IRAG1: variants seen among roughly 807,000 people sequenced by gnomAD.
IRAG1 encodes the protein IP3R-associated cGMP kinase substrate.
Under a neutral mutation model 106.2 loss-of-function variants are expected in IRAG1, and 62 were observed. The ratio of observed to expected loss-of-function variants is 0.58; its 90% CI spans 0.48 to 0.72. The LOEUF is 0.72. Ranked by LOEUF, IRAG1 falls within the 30% of genes least tolerant of loss-of-function variation. IRAG1 has a pLI of 0.00. For missense variants in IRAG1, 1,064 were observed against 1,140.7 expected, an observed-to-expected ratio of 0.93 and a Z score of 0.97; for synonymous variants, 462 against 443.9, an observed-to-expected ratio of 1.04 and a Z score of -0.51.
intron 14 of IRAG1, 75 bp downstream of exon 14, chr11:10,603,045 G>A: frequency 1.3e-6 from 2 of 1,506,770 alleles, no homozygotes; most frequent in Non-Finnish European, 1.8e-6. Flanking sequence ...ATCTGTAGTT[G>A]CCGCTGCTTG....
At position 10,652,188 on chromosome 11, in the gene IRAG1, G is replaced by A. The variant is rs751628386; in HGVS notation, c.68-6C>T. ...AGAGGCCTGGGCTCCACAGGCTGGGGAGATGCCAAAAGGACAAGTCAAATC... is the reference window on the plus strand; with the variant it reads ...AGAGGCCTGGGCTCCACAGGCTGGGAAGATGCCAAAAGGACAAGTCAAATC... On this transcript the variant is annotated splice_region_variant and splice_polypyrimidine_tract_variant and intron_variant, in intron 1 of 20. Coordinates refer to ENST00000423302, the MANE Select transcript of IRAG1 (RefSeq NM_130385.4). 1.2e-6 allele frequency: 2 copies of A among 1,613,774 alleles called. No individual in the cohort carries two copies. Among genetic ancestry groups the A allele is most frequent in the South Asian group, 2.2e-5 (2 of 91,002 alleles).
Position 10,576,479 on chromosome 11 carries a change from G to C in IRAG1, c.2592C>G (p.Val864=), listed in dbSNP as rs1221684093. 2 of 1,613,908 alleles carry C rather than the reference G, an allele frequency of 1.2e-6. No individual in the cohort carries two copies. Among genetic ancestry groups the C allele is most frequent in the Non-Finnish European group, 1.7e-6 (2 of 1,179,902 alleles). Reference sequence around the variant, plus strand: ...TGTAGAGCCCCAGCACAACAGTCAAGACCAGCATCACTGCAGCCATCATCC... The same window carrying C: ...TGTAGAGCCCCAGCACAACAGTCAACACCAGCATCACTGCAGCCATCATCC... The part of the protein sequence containing the change: ...VIWMMAAVML[V]LTVVLGLYNS... Residue 864 remains valine, a synonymous_variant, in exon 21 of 21, where the codon GTC becomes GTG. Coordinates refer to ENST00000423302, the MANE Select transcript of IRAG1 (RefSeq NM_130385.4).
At chr11:10,671,638 G>A (rs745689880) in intron 1 of IRAG1, among the ~76,000 whole-genome samples, 1 of 152,166 alleles carries the variant, frequency 6.6e-6, no homozygotes, top group Non-Finnish European at 1.5e-5. Flanking sequence ...CTTGAACCCA[G>A]GAGGTGGAGG....
chr11:10,593,509 G>C lies in IRAG1; in HGVS notation c.2158C>G (p.Pro720Ala). ...PGQTPSSSSI[P>A]SLPALSESPN... ...ATACTTACCAAGGCTGGTAAGGAGG[G>C]AATGGATGATGAGCTGGGAGTTTGG... The change falls in exon 17 of 21, where the codon CCC becomes GCC. Residue 720 changes from proline to alanine, a missense_variant. Coordinates refer to ENST00000423302, the MANE Select transcript of IRAG1 (RefSeq NM_130385.4). The C allele has an allele frequency of 6.2e-7, 1 of 1,613,550 alleles. No homozygotes were observed. The highest frequency in any genetic ancestry group is 8.5e-7 in the Non-Finnish European group (1 of 1,179,566).
At chr11:10,591,693 T>A (rs1852691705) in intron 17 of IRAG1, 81 bp from the exon 18 acceptor site, 6 of 1,269,920 alleles carry the variant, frequency 4.7e-6, no homozygotes, top group Non-Finnish European at 6.7e-6. Flanking sequence ...CTGATGATGC[T>A]GGGAGCGGGG....
Position 10,576,466 on chromosome 11 carries a change from G to C in IRAG1, c.2605C>G (p.Leu869Val). 6.2e-7 allele frequency: 1 copy of C among 1,613,960 alleles called. No homozygotes were observed. The highest frequency in any genetic ancestry group is 8.5e-7 in the Non-Finnish European group (1 of 1,179,888). Reference protein sequence around the residue: ...AAVMLVLTVVLGLYNSYNSCA... With the variant: ...AAVMLVLTVVVGLYNSYNSCA... ...GAGTTATAGGAATTGTAGAGCCCCAGCACAACAGTCAAGACCAGCATCACT... is the reference window on the plus strand; with the variant it reads ...GAGTTATAGGAATTGTAGAGCCCCACCACAACAGTCAAGACCAGCATCACT... The change falls in exon 21 of 21, where the codon CTG becomes GTG. Residue 869 changes from leucine (L) to valine (V), a missense_variant. Leu to Val is a conservative substitution (Grantham distance 32). Coordinates refer to ENST00000423302, the MANE Select transcript of IRAG1 (RefSeq NM_130385.4).
chr11:10,603,188 T>C lies in IRAG1; in HGVS notation c.1807A>G (p.Ile603Val). The change falls in exon 14 of 21, where the codon ATC (isoleucine) becomes GTC (valine). Residue 603 changes from isoleucine to valine, a missense_variant. Transcript: ENST00000423302. ...GCAGCCAGGCGGTGCAGGACAGCGA[T>C]GTCCTCCAGCAACTTCTGGTAGGTT... ...RETYQKLLED[I>V]AVLHRLAARL... is the part of the protein sequence containing the mutation. The C allele has an allele frequency of 6.2e-7, 1 of 1,612,674 alleles. No homozygotes were observed. Among genetic ancestry groups the C allele is most frequent in the African/African-American group, 1.3e-5 (1 of 75,004 alleles).
At chr11:10,617,218 T>C (rs1855503380) in intron 10 of IRAG1, 2 of 984,886 alleles carry the variant, frequency 2.0e-6, no homozygotes, top group African/African-American at 3.5e-5. Flanking sequence ...TTAAGGAGAA[T>C]AAAAATCATT....
chr11:10,674,911 C>A (rs1860529523), intron 1 of IRAG1, among the ~76,000 whole-genome samples: 1 of 152,206 alleles, frequency 6.6e-6, no homozygotes, highest in South Asian at 2.1e-4. Context: ...AGCCCCAAGT[C>A]ACATCCTAAG....
intron 20 of IRAG1, among the ~76,000 whole-genome samples, chr11:10,577,959 G>A (rs1264975875): frequency 6.6e-6 from 1 of 152,220 alleles, no homozygotes; most frequent in Non-Finnish European, 1.5e-5. Flanking sequence ...TCAGCCCTTT[G>A]TAGATTCTCT....
In IRAG1 at chr11:10,693,614, G is replaced by C. The variant is rs1404810651; in HGVS notation, c.-12C>G. 3 of 1,534,600 alleles carry C rather than the reference G, an allele frequency of 2.0e-6. No individual in the cohort carries two copies. The African/African-American group carries it at 4.1e-5, about 21-fold the overall frequency. ...GGAGCTTTTACCATTTAAGGTCAATGTTACATCTGGCTCCGGAGCTCAGAG... is the reference window on the plus strand; with the variant it reads ...GGAGCTTTTACCATTTAAGGTCAATCTTACATCTGGCTCCGGAGCTCAGAG... On this transcript the variant is annotated 5_prime_UTR_variant, in exon 1 of 21. Transcript: ENST00000423302.
In IRAG1 at chr11:10,693,562, C is replaced by G. The variant is rs1050888356; in HGVS notation, c.41G>C (p.Gly14Ala). Residue 14 changes from glycine to alanine, a missense_variant, in exon 1 of 21, where the codon GGA becomes GCA. By Grantham distance (60) the Gly-to-Ala change is moderately conservative. Coordinates refer to ENST00000423302, the MANE Select transcript of IRAG1 (RefSeq NM_130385.4). ...TAAAACTGAGTTATTCTCCTTTCCT[C>G]CTCTGGCCAGCCTCTCTTCACTCTG... Reference protein sequence around the residue: ...APQSEERLARGGKENNSVLAC... With the variant: ...APQSEERLARAGKENNSVLAC... The G allele has an allele frequency of 1.0e-5, 16 of 1,535,470 alleles. No individual in the cohort carries two copies. Among genetic ancestry groups the G allele is most frequent in the African/African-American group, 1.4e-5 (1 of 73,046 alleles).
At chr11:10,674,104 AAG>A (rs1860461545) in intron 1 of IRAG1, among the ~76,000 whole-genome samples, 1 of 152,236 alleles carries the variant, frequency 6.6e-6, no homozygotes, top group South Asian at 2.1e-4. Flanking sequence ...ACCAAGTGCC[AAG>A]CTCTGTGCAG....
Position 10,693,707 on chromosome 11 carries a change from G to C in IRAG1, c.-105C>G. On this transcript the variant is annotated 5_prime_UTR_variant, in exon 1 of 21. Coordinates refer to ENST00000423302, the MANE Select transcript of IRAG1 (RefSeq NM_130385.4). The stretch of plus-strand genomic sequence containing the variant: ...CTGAGAGGGGCTGGGACTTAGAGCC[G>C]AGAGCTCCTCTGGGAGCCCCACTCC... 7.4e-7 allele frequency: 1 copy of C among 1,343,036 alleles called. No individual in the cohort carries two copies. The highest frequency in any genetic ancestry group is 1.0e-6 in the Non-Finnish European group (1 of 982,878). 83.2% of individuals were successfully genotyped at this position (1,343,036 alleles called of 1,614,324 possible).
intron 1 of IRAG1, among the ~76,000 whole-genome samples, chr11:10,656,564 G>A (rs1050996727): frequency 6.6e-6 from 1 of 152,180 alleles, no homozygotes; most frequent in African/African-American, 2.4e-5. Flanking sequence ...ATATGCTTTT[G>A]TTCATGCTTT....
intron 2 of IRAG1, 29 bp downstream of exon 2, chr11:10,651,996 C>A: frequency 1.3e-6 from 2 of 1,534,498 alleles, no homozygotes; most frequent in South Asian, 2.4e-5. Context: ...CCCAGCCAGG[C>A]TAGCTGAGGG....
rs548675962 is a variant in IRAG1, at chr11:10,582,404, T to C, written c.2241-418A>G. Among the ~76,000 whole-genome samples the C allele has an allele frequency of 1.1e-3, 170 of 151,380 alleles. 1 individual carries two copies. Among genetic ancestry groups the C allele is most frequent in the Non-Finnish European group, 2.3e-3 (156 of 68,002 alleles). Reference sequence around the variant, plus strand: ...TCAGCATGACTAAGCCACAGGCACATTGTAATGTGCTGGGGGCACATTAGA... The same window carrying C: ...TCAGCATGACTAAGCCACAGGCACACTGTAATGTGCTGGGGGCACATTAGA... On this transcript the variant is annotated intron_variant, in intron 18 of 20. Coordinates refer to ENST00000423302, the MANE Select transcript of IRAG1 (RefSeq NM_130385.4).
At position 10,631,986 on chromosome 11, in the gene IRAG1, C is replaced by T. The variant is rs199861314; in HGVS notation, c.400+5G>A. The T allele has an allele frequency of 1.2e-6, 2 of 1,613,338 alleles. No individual in the cohort carries two copies. Among genetic ancestry groups the T allele is most frequent in the African/African-American group, 1.3e-5 (1 of 74,990 alleles). ...CAACATGCCTTAGATTGCCCTGGTC[C>T]TTACCCACAGATGTCAGGGAGGCAG... is the stretch of plus-strand genomic sequence containing the variant. On this transcript the variant is annotated splice_donor_5th_base_variant and intron_variant, in intron 4 of 20. Transcript: ENST00000423302.
chr11:10,678,304 G>C (rs1289122685), intron 1 of IRAG1, among the ~76,000 whole-genome samples: 1 of 152,204 alleles, frequency 6.6e-6, no homozygotes, highest in Non-Finnish European at 1.5e-5. Context: ...TTCACGCTGA[G>C]AGAGCCCAAG....
Sources: allele counts gnomAD v4.1 joint callset (sites outside exome capture counted in the v4.1 genomes callset), GRCh38; gene constraint gnomAD v4.1.1; transcripts MANE v1.5; gene names NCBI Gene and HGNC (gene_info 2026-07-23, HGNC 2026-07-21).